The following TMED6 variants were observed in gnomAD, a reference collection of about 807,000 sequenced individuals.
TMED6 encodes the protein transmembrane emp24 domain-containing protein 6.
In TMED6, 17 loss-of-function variants were observed where a neutral mutation model predicts 26.5. The ratio of observed to expected loss-of-function variants is 0.64; its 90% CI spans 0.44 to 0.96. TMED6 has a LOEUF of 0.96. TMED6 is among the 40% of genes least tolerant of loss of function. TMED6 has a pLI of 0.00. For missense variants in TMED6, 309 were observed against 296.5 expected, an observed-to-expected ratio of 1.04 and a Z score of -0.31; for synonymous variants, 107 against 106.2, an observed-to-expected ratio of 1.01 and a Z score of -0.04.
rs751456384 is a variant in TMED6 at position 69,343,516 on chromosome 16, G to A, written c.614C>T (p.Ser205Leu). 5 of 1,614,112 alleles carry A rather than the reference G, an allele frequency of 3.1e-6. No homozygotes were observed. Among genetic ancestry groups the A allele is most frequent in the Admixed American group, 1.7e-5 (1 of 59,994 alleles). Residue 205 changes from serine (S) to leucine (L), a missense_variant, in exon 4 of 4, where the codon TCG becomes TTG. Transcript: ENST00000288025. ...AATAATAACAAGGCTCTGGGCTGTC[G>A]ACCACCAGTTCACGTAGTTATAGTT... Reference protein sequence around the residue: ...QSNYNYVNWWSTAQSLVIILS... With the variant: ...QSNYNYVNWWLTAQSLVIILS...
intron 3 of TMED6, among the ~76,000 whole-genome samples, chr16:69,345,489 C>T (rs1195029499): frequency 6.6e-6 from 1 of 151,776 alleles, no homozygotes; most frequent in Admixed American, 6.6e-5. Context: ...CAAGACCAGC[C>T]TGACCAACAT....
At position 69,351,732 on chromosome 16, in the gene TMED6, C is replaced by G. The variant is rs2012780704; in HGVS notation, c.22G>C (p.Ala8Pro). The change falls in exon 1 of 4, where the codon GCT (alanine) becomes CCT (proline). Residue 8 changes from alanine to proline, a missense_variant. Physicochemically the swap from Ala to Pro is conservative, Grantham distance 27. Coordinates refer to ENST00000288025, the MANE Select transcript of TMED6 (RefSeq NM_144676.4). Reference protein sequence around the residue: MSPLLFGAGLVVLNLVTS... With the variant: MSPLLFGPGLVVLNLVTS... Reference sequence around the variant, plus strand: ...ACTAGATTCAGAACGACCAGCCCAGCCCCAAAGAGCAAAGGGGACATGCCG... The same window carrying G: ...ACTAGATTCAGAACGACCAGCCCAGGCCCAAAGAGCAAAGGGGACATGCCG... 1 of 1,613,110 alleles carries G rather than the reference C, an allele frequency of 6.2e-7. No individual in the cohort carries two copies. The highest frequency in any genetic ancestry group is 1.3e-5 in the African/African-American group (1 of 74,822).
intron 2 of TMED6, among the ~76,000 whole-genome samples, chr16:69,349,120 G>C (rs191987371): frequency 3.0e-4 from 45 of 152,324 alleles, no homozygotes; most frequent in African/African-American, 1.0e-3. Context: ...TGGATATCAT[G>C]CATTTTCTTT....
At chr16:69,351,364 G>A (rs541114449) in intron 1 of TMED6, among the ~76,000 whole-genome samples, 177 bp downstream of exon 1, 35 of 152,266 alleles carry the variant, frequency 2.3e-4, no homozygotes, top group African/African-American at 7.5e-4. Flanking sequence ...TTTAGCTCCT[G>A]TTGGTGATTA....
intron 3 of TMED6, among the ~76,000 whole-genome samples, chr16:69,347,220 C>G (rs1366763374): frequency 6.6e-6 from 1 of 152,182 alleles, no homozygotes; most frequent in Admixed American, 6.5e-5. Context: ...AAACCACTGA[C>G]TTACACACTT....
chr16:69,347,514 C>T (rs1316474257), intron 3 of TMED6, among the ~76,000 whole-genome samples: 2 of 152,158 alleles, frequency 1.3e-5, no homozygotes, highest in East Asian at 3.9e-4. Context: ...TGCGCACCAC[C>T]ACGCCCAGCT....
Position 69,343,360 on chromosome 16 carries a change from G to A in TMED6, c.*47C>T, listed in dbSNP as rs373244774. On this transcript the variant is annotated 3_prime_UTR_variant, in exon 4 of 4. Coordinates refer to ENST00000288025, the MANE Select transcript of TMED6 (RefSeq NM_144676.4). ...TCCCATAACATTACAAAGCTGATTC[G>A]ACTAAGCCCCAGAAGAAAACAGCCA... 1.7e-5 allele frequency: 26 copies of A among 1,517,502 alleles called. No homozygotes were observed. The African/African-American group carries it at 2.8e-4, about 16-fold the overall frequency. The allele number at this position is 1,517,502 out of a possible 1,614,324, so 94.0% of individuals were successfully genotyped here.
At chr16:69,346,249 C>T (rs1181483634) in intron 3 of TMED6, among the ~76,000 whole-genome samples, 1 of 152,184 alleles carries the variant, frequency 6.6e-6, no homozygotes, top group Non-Finnish European at 1.5e-5. Context: ...TTCAGGTATA[C>T]ACAGATGAAA....
chr16:69,350,648 T>C (rs2012762136), intron 1 of TMED6, among the ~76,000 whole-genome samples: 1 of 152,086 alleles, frequency 6.6e-6, no homozygotes, highest in Admixed American at 6.6e-5. Context: ...AGCTCCCCAA[T>C]GATGTCCCAG....
chr16:69,346,363 GATAA>G (rs1017391686), intron 3 of TMED6, among the ~76,000 whole-genome samples: 7 of 152,284 alleles, frequency 4.6e-5, no homozygotes, highest in Admixed American at 3.9e-4. Context: ...CTGATGAATG[GATAA>G]ATAAAATGTG....
At chr16:69,347,384 G>A (rs1189561528) in intron 3 of TMED6, among the ~76,000 whole-genome samples, 2 of 152,118 alleles carry the variant, frequency 1.3e-5, no homozygotes, top group African/African-American at 4.8e-5. Flanking sequence ...ATTTTGAGAC[G>A]GTGTCTTGCT....
At chr16:69,345,192 G>T (rs945890896) in intron 3 of TMED6, among the ~76,000 whole-genome samples, 1 of 151,352 alleles carries the variant, frequency 6.6e-6, no homozygotes. Flanking sequence ...CAGGAGAATC[G>T]CTTGAACCTA....
intron 3 of TMED6, among the ~76,000 whole-genome samples, chr16:69,345,450 G>A (rs1419904624): frequency 6.6e-5 from 10 of 152,022 alleles, no homozygotes; most frequent in African/African-American, 1.2e-4. Context: ...TTGAGAGGCT[G>A]AGCTGGACAG....
chr16:69,345,843 T>C (rs929181015), intron 3 of TMED6, among the ~76,000 whole-genome samples: 1 of 152,008 alleles, frequency 6.6e-6, no homozygotes, highest in African/African-American at 2.4e-5. Flanking sequence ...ACCCGGGTCA[T>C]TTAAAAAGTT....
chr16:69,346,907 C>A (rs1220803889), intron 3 of TMED6, among the ~76,000 whole-genome samples: 2 of 152,040 alleles, frequency 1.3e-5, no homozygotes, highest in African/African-American at 4.8e-5. Flanking sequence ...CTCAGTGGCT[C>A]AAAGTGCTGA....
chr16:69,348,976 C>T (rs1597232946), intron 2 of TMED6, among the ~76,000 whole-genome samples: 1 of 152,200 alleles, frequency 6.6e-6, no homozygotes, highest in Non-Finnish European at 1.5e-5. Context: ...CTGTCTGATG[C>T]CCCTGTTGAG....
At chr16:69,343,667 A>G in intron 3 of TMED6, 27 bp from the exon 4 acceptor site, 1 of 1,589,824 alleles carries the variant, frequency 6.3e-7, no homozygotes, top group East Asian at 2.2e-5. Context: ...TTTAAGGGGG[A>G]TTCTTCCAAA....
chr16:69,349,723 G>T (rs2012746398), intron 1 of TMED6, 72 bp from the exon 2 acceptor site: 1 of 1,565,772 alleles, frequency 6.4e-7, no homozygotes, highest in Admixed American at 1.7e-5. Context: ...TGGTAAGATT[G>T]ACGTCCCACG....
chr16:69,344,584 C>A (rs2012651371), intron 3 of TMED6, among the ~76,000 whole-genome samples: 1 of 151,632 alleles, frequency 6.6e-6, no homozygotes, highest in Non-Finnish European at 1.5e-5. Context: ...ATCAGCCTGG[C>A]CAACATGGTG....
Sources: gnomAD v4.1 joint callset for allele counts (sites outside exome capture counted in the v4.1 genomes callset) on GRCh38, gnomAD v4.1.1 for gene constraint, MANE v1.5 for transcripts, NCBI Gene and HGNC (gene_info 2026-07-23, HGNC 2026-07-21) for gene names.